The following ADARB2 variants were observed in gnomAD, a reference collection of about 807,000 sequenced individuals.
The protein encoded by ADARB2 is adenosine deaminase RNA specific B2 (inactive), also known as inactive double-stranded RNA-specific editase B2.
ADARB2 carries 25 observed loss-of-function variants against 62.2 expected under a neutral mutation model. The ratio of observed to expected loss-of-function variants is 0.40; its 90% confidence interval spans 0.29 to 0.56. The LOEUF is 0.56. ADARB2 is among the 20% of genes least tolerant of loss of function. ADARB2 has a pLI of 0.43. For missense variants in ADARB2, 1,071 were observed against 1,077.4 expected, an observed-to-expected ratio of 0.99 and a Z score of 0.08; for synonymous variants, 572 against 500.8, an observed-to-expected ratio of 1.14 and a Z score of -1.90.
chr10:1,303,941 T>A (rs1368433452), intron 3 of ADARB2, among the ~76,000 whole-genome samples: 1 of 152,096 alleles, frequency 6.6e-6, no homozygotes, highest in Non-Finnish European at 1.5e-5. Context: ...TAAAGACCAT[T>A]GAGACTAGGA....
intron 1 of ADARB2, among the ~76,000 whole-genome samples, chr10:1,478,427 G>A (rs1163591729): frequency 6.6e-6 from 1 of 152,158 alleles, no homozygotes; most frequent in Admixed American, 6.5e-5. Flanking sequence ...AAGTAACTTA[G>A]TACCCTGGGT....
chr10:1,731,946 T>C (rs1445747931), intron 1 of ADARB2, among the ~76,000 whole-genome samples: 1 of 152,242 alleles, frequency 6.6e-6, no homozygotes, highest in East Asian at 1.9e-4. Context: ...AATTATCCTT[T>C]TAGAAATCTT....
intron 1 of ADARB2, among the ~76,000 whole-genome samples, chr10:1,488,397 C>T (rs1588275478): frequency 6.6e-6 from 1 of 152,200 alleles, no homozygotes; most frequent in East Asian, 1.9e-4. Context: ...ACAGTTTCTA[C>T]AATTTGCTGC....
intron 1 of ADARB2, among the ~76,000 whole-genome samples, chr10:1,670,735 C>A: frequency 6.6e-6 from 1 of 152,180 alleles, no homozygotes; most frequent in Non-Finnish European, 1.5e-5. Context: ...GGAGGCCGGG[C>A]ACACAGTGGG....
At chr10:1,475,383 G>T (rs182004163) in intron 1 of ADARB2, among the ~76,000 whole-genome samples, 1 of 152,308 alleles carries the variant, frequency 6.6e-6, no homozygotes, top group Admixed American at 6.5e-5. Context: ...TGACGGGAAG[G>T]CAGGGGCCTT....
intron 1 of ADARB2, among the ~76,000 whole-genome samples, chr10:1,422,833 C>T (rs1458534925): frequency 6.6e-6 from 1 of 152,168 alleles, no homozygotes; most frequent in African/African-American, 2.4e-5. Flanking sequence ...ATTAGCGTAC[C>T]TCCTATGGCC....
chr10:1,604,928 A>G (rs1403708829), intron 1 of ADARB2, among the ~76,000 whole-genome samples: 3 of 152,248 alleles, frequency 2.0e-5, no homozygotes, highest in Non-Finnish European at 4.4e-5. Flanking sequence ...GGAGATGCAT[A>G]CTATAGCCAA....
intron 5 of ADARB2, among the ~76,000 whole-genome samples, chr10:1,234,172 A>G (rs1015680489): frequency 9.3e-5 from 14 of 150,740 alleles, no homozygotes; most frequent in Non-Finnish European, 1.9e-4. Flanking sequence ...TATTTTTAGT[A>G]GATACAGGGT....
intron 1 of ADARB2, among the ~76,000 whole-genome samples, chr10:1,622,910 C>A (rs1833722515): frequency 6.6e-6 from 1 of 152,168 alleles, no homozygotes; most frequent in African/African-American, 2.4e-5. Context: ...CAAGCAAGAG[C>A]TGATGACACC....
intron 7 of ADARB2, among the ~76,000 whole-genome samples, chr10:1,209,622 C>A (rs1335250133): frequency 6.6e-6 from 1 of 151,778 alleles, no homozygotes; most frequent in Non-Finnish European, 1.5e-5. Context: ...TACACCATCA[C>A]CCACACCCAC....
chr10:1,254,420 G>C lies in ADARB2; in HGVS notation c.1193-12121C>G, dbSNP rs918933456. The stretch of plus-strand genomic sequence containing the variant: ...TGGGAGAATTGCTCTCTGCATAAAA[G>C]ATGTCAAGCAAGTTTTGGCCATTCT... On this transcript the variant is annotated intron_variant, in intron 4 of 9. Coordinates refer to ENST00000381312, the MANE Select transcript of ADARB2 (RefSeq NM_018702.4). 2.6e-5 allele frequency among the ~76,000 whole-genome samples: 4 copies of C among 152,354 alleles called. No homozygotes were observed. The South Asian group carries it at 8.3e-4, about 32-fold the overall frequency.
intron 4 of ADARB2, among the ~76,000 whole-genome samples, chr10:1,244,677 G>A (rs1830966401): frequency 6.6e-6 from 1 of 152,212 alleles, no homozygotes; most frequent in Admixed American, 6.5e-5. Flanking sequence ...AGAAACGGCT[G>A]CAGCATGAGA....
chr10:1,376,876 TG>T (rs373876262), intron 2 of ADARB2, among the ~76,000 whole-genome samples: 2 of 46,882 alleles, frequency 4.3e-5, no homozygotes, highest in Non-Finnish European at 6.8e-5. Flanking sequence ...GGGGGGTGGG[TG>T]GGGGGGGTTG....
chr10:1,716,312 C>G (rs1253877520), intron 1 of ADARB2, among the ~76,000 whole-genome samples: 2 of 152,202 alleles, frequency 1.3e-5, no homozygotes, highest in Admixed American at 6.5e-5. Flanking sequence ...TCCAATACAG[C>G]TGGAGACAGT....
At chr10:1,297,075 C>A (rs1310888109) in intron 3 of ADARB2, among the ~76,000 whole-genome samples, 1 of 152,208 alleles carries the variant, frequency 6.6e-6, no homozygotes, top group African/African-American at 2.4e-5. Flanking sequence ...TCAATAGTAT[C>A]CTCCAAATTT....
chr10:1,391,437 C>T (rs1366061444), intron 1 of ADARB2, among the ~76,000 whole-genome samples: 1 of 152,184 alleles, frequency 6.6e-6, no homozygotes, highest in East Asian at 1.9e-4. Flanking sequence ...TAAGTCCATT[C>T]TTTGGGTTTG....
At chr10:1,565,279 T>C (rs1754624792) in intron 1 of ADARB2, among the ~76,000 whole-genome samples, 1 of 152,220 alleles carries the variant, frequency 6.6e-6, no homozygotes. Flanking sequence ...AAACCTCTTA[T>C]TGTGTCTTTT....
At chr10:1,432,318 T>C (rs371024733) in intron 1 of ADARB2, among the ~76,000 whole-genome samples, 5 of 152,100 alleles carry the variant, frequency 3.3e-5, no homozygotes, top group African/African-American at 9.7e-5. Flanking sequence ...TTTGTTTGGC[T>C]TGGCAATGTC....
chr10:1,277,961 CT>C (rs1564244545), intron 3 of ADARB2, among the ~76,000 whole-genome samples: 5 of 79,434 alleles, frequency 6.3e-5, no homozygotes, highest in Non-Finnish European at 1.7e-4. Context: ...TCCCCTCTTT[CT>C]CTCTCTCTTT....
Sources: allele counts gnomAD v4.1 joint callset (sites outside exome capture counted in the v4.1 genomes callset), GRCh38; gene constraint gnomAD v4.1.1; transcripts MANE v1.5; gene names NCBI Gene and HGNC (gene_info 2026-07-23, HGNC 2026-07-21).